NRXN3: variants seen among roughly 807,000 people sequenced by gnomAD.
NRXN3 encodes neurexin III.
NRXN3 carries 32 observed loss-of-function variants against 137.6 expected under a neutral mutation model. The ratio of observed to expected loss-of-function variants is 0.23; its 90% CI spans 0.18 to 0.31. The LOEUF (loss-of-function observed/expected upper bound fraction) is 0.31. Among genes scored for constraint, NRXN3 ranks in the 10% least tolerant of loss-of-function variants. NRXN3 has a pLI of 1.00. For missense variants in NRXN3, 1,574 were observed against 2,062.5 expected (o/e 0.76, Z 4.59); for synonymous variants, 798 against 784.5 (o/e 1.02, Z -0.29).
At chr14:79,456,507 A>T (rs1364739416) in intron 15 of NRXN3, among the ~76,000 whole-genome samples, 1 of 152,194 alleles carries the variant, frequency 6.6e-6, no homozygotes, top group Non-Finnish European at 1.5e-5. Flanking sequence ...CGGGCGGATC[A>T]CTTGAACCCA....
At chr14:79,127,958 C>T (rs1398445476) in intron 15 of NRXN3, among the ~76,000 whole-genome samples, 2 of 150,006 alleles carry the variant, frequency 1.3e-5, no homozygotes, top group African/African-American at 4.9e-5. Flanking sequence ...GGAGTTCACT[C>T]ATGATTTGGC....
At chr14:79,015,565 G>A in intron 15 of NRXN3, among the ~76,000 whole-genome samples, 1 of 152,118 alleles carries the variant, frequency 6.6e-6, no homozygotes, top group African/African-American at 2.4e-5. Context: ...TTGAGCATGA[G>A]TAGAACTCCC....
intron 4 of NRXN3, among the ~76,000 whole-genome samples, chr14:78,530,448 G>A (rs1467090091): frequency 6.6e-6 from 1 of 152,180 alleles, no homozygotes; most frequent in Non-Finnish European, 1.5e-5. Context: ...AGGCACTTAG[G>A]CTTCTACAAG....
At chr14:79,046,543 C>T (rs2152554865) in intron 15 of NRXN3, among the ~76,000 whole-genome samples, 1 of 152,286 alleles carries the variant, frequency 6.6e-6, no homozygotes, top group Admixed American at 6.5e-5. Flanking sequence ...AAATCCCTCC[C>T]TGTATGCTTC....
chr14:79,170,787 C>T (rs2061702956), intron 15 of NRXN3, among the ~76,000 whole-genome samples: 1 of 151,934 alleles, frequency 6.6e-6, no homozygotes, highest in African/African-American at 2.4e-5. Context: ...GATACAACCC[C>T]TATAGGAACT....
At chr14:79,320,154 CTAAT>C (rs1427332785) in intron 15 of NRXN3, among the ~76,000 whole-genome samples, 1 of 152,086 alleles carries the variant, frequency 6.6e-6, no homozygotes, top group African/African-American at 2.4e-5. Flanking sequence ...CCCAAGGTGT[CTAAT>C]TAATTACTAT....
At chr14:78,600,993 C>T (rs541599492) in intron 4 of NRXN3, among the ~76,000 whole-genome samples, 2 of 152,280 alleles carry the variant, frequency 1.3e-5, no homozygotes, top group African/African-American at 4.8e-5. Flanking sequence ...AAATATCTTT[C>T]CAGACAGACT....
intron 15 of NRXN3, among the ~76,000 whole-genome samples, chr14:79,251,408 G>A (rs2075909378): frequency 6.6e-6 from 1 of 152,112 alleles, no homozygotes; most frequent in Non-Finnish European, 1.5e-5. Context: ...TTCAAGAAAT[G>A]ACTTCAGAAT....
intron 8 of NRXN3, among the ~76,000 whole-genome samples, chr14:78,794,164 C>T (rs561783372): frequency 5.9e-5 from 9 of 151,828 alleles, no homozygotes; most frequent in Admixed American, 6.6e-5. Context: ...GTAGATCACC[C>T]GAGAGGTCAG....
At chr14:78,934,404 A>C (rs1226118917) in intron 10 of NRXN3, among the ~76,000 whole-genome samples, 1 of 152,178 alleles carries the variant, frequency 6.6e-6, no homozygotes, top group African/African-American at 2.4e-5. Flanking sequence ...ACATGGATGA[A>C]GAGAACCCAG....
chr14:79,810,326 T>G (rs567855814), intron 20 of NRXN3, among the ~76,000 whole-genome samples: 1 of 152,298 alleles, frequency 6.6e-6, no homozygotes, highest in African/African-American at 2.4e-5. Context: ...CTGCCTTCAC[T>G]TTTCTTAAAT....
chr14:79,178,086 C>T (rs573075880), intron 15 of NRXN3, among the ~76,000 whole-genome samples: 226 of 152,312 alleles, frequency 1.5e-3, no homozygotes, highest in Admixed American at 1.9e-3. Context: ...GTGTGTAGTA[C>T]ATAGGCATCA....
intron 8 of NRXN3, among the ~76,000 whole-genome samples, chr14:78,734,990 A>G (rs2098535069): frequency 6.6e-6 from 1 of 152,164 alleles, no homozygotes; most frequent in South Asian, 2.1e-4. Context: ...TTTAAAGGTC[A>G]TCTTGGCTGT....
At chr14:78,741,565 C>G (rs73317956) in intron 8 of NRXN3, among the ~76,000 whole-genome samples, 1 of 152,094 alleles carries the variant, frequency 6.6e-6, no homozygotes, top group Non-Finnish European at 1.5e-5. Flanking sequence ...ATGCATACAA[C>G]TTGATGAGTT....
intron 10 of NRXN3, among the ~76,000 whole-genome samples, chr14:78,943,618 AAAAATATATAT>A (rs1351063959): frequency 1.1e-3 from 45 of 39,950 alleles, no homozygotes; most frequent in South Asian, 2.2e-3. Context: ...GTTAAAAAAA[AAAAATATATAT>A]ATATATATAT....
In NRXN3 at chr14:78,630,350, C is replaced by G. The variant is rs183660461; in HGVS notation, c.758-14770C>G. Among the ~76,000 whole-genome samples the G allele has an allele frequency of 4.0e-3, 609 of 152,184 alleles. 1 individual carries two copies. The highest frequency in any genetic ancestry group is 7.0e-3 in the Non-Finnish European group (479 of 67,982). On this transcript the variant is annotated intron_variant, in intron 4 of 20. Coordinates refer to ENST00000335750, the MANE Select transcript of NRXN3 (RefSeq NM_001330195.2). ...CTATTTATTTAAATAATAACATTAACAAATTTTGTCTATCCTTGCCATCAT... is the reference window on the plus strand; with the variant it reads ...CTATTTATTTAAATAATAACATTAAGAAATTTTGTCTATCCTTGCCATCAT...
intron 15 of NRXN3, among the ~76,000 whole-genome samples, chr14:79,247,807 C>A (rs1191437462): frequency 4.0e-5 from 6 of 151,846 alleles, no homozygotes; most frequent in African/African-American, 1.5e-4. Context: ...TGTCCTTAAC[C>A]TTTTCAAAAC....
rs555623976 is a variant in NRXN3 at position 79,764,838 on chromosome 14, C to T, written c.4015-40274C>T. Among the ~76,000 whole-genome samples the T allele has an allele frequency of 7.9e-5, 12 of 152,308 alleles. No individual in the cohort carries two copies. The South Asian group carries it at 8.3e-4, about 11-fold the overall frequency. On this transcript the variant is annotated intron_variant, in intron 19 of 20. Coordinates refer to ENST00000335750, the MANE Select transcript of NRXN3 (RefSeq NM_001330195.2). ...CACCTATACAGACCTGTTCTCAAGG[C>T]AGTGTTTACCCTAGTGCATCTGCTA...
chr14:78,976,081 G>A (rs990787771), intron 14 of NRXN3, among the ~76,000 whole-genome samples: 3 of 152,176 alleles, frequency 2.0e-5, no homozygotes, highest in African/African-American at 7.2e-5. Context: ...AAGGGTATTA[G>A]TGGAAAGGAA....
Sources: allele counts gnomAD v4.1 joint callset (sites outside exome capture counted in the v4.1 genomes callset), GRCh38; gene constraint gnomAD v4.1.1; transcripts MANE v1.5; gene names NCBI Gene and HGNC (gene_info 2026-07-23, HGNC 2026-07-21).